ARHGAP24: variants seen among roughly 807,000 people sequenced by gnomAD.
The protein encoded by ARHGAP24 is Rho GTPase activating protein 24, also known as rho GTPase-activating protein 24.
A neutral mutation model predicts 76.4 loss-of-function variants in ARHGAP24; 50 were observed. The observed-to-expected ratio is 0.65, with a 90% CI of 0.52 to 0.83. The LOEUF (loss-of-function observed/expected upper bound fraction) is 0.83, where lower values mean the gene tolerates loss of function less well. Among genes scored for constraint, ARHGAP24 ranks in the 40% least tolerant of loss-of-function variants. ARHGAP24 has a pLI of 0.00. For synonymous variants in ARHGAP24, 345 were observed against 323.3 expected, an observed-to-expected ratio of 1.07 and a Z score of -0.72; for missense variants, 930 against 914.2, an observed-to-expected ratio of 1.02 and a Z score of -0.22.
intron 3 of ARHGAP24, among the ~76,000 whole-genome samples, chr4:85,836,689 T>C (rs1312013751): frequency 6.6e-6 from 1 of 152,180 alleles, no homozygotes; most frequent in African/African-American, 2.4e-5. Context: ...ACCCCTAGCA[T>C]TGGCTCAGAA....
At chr4:85,803,871 A>G (rs144303468) in intron 3 of ARHGAP24, among the ~76,000 whole-genome samples, 167 of 152,178 alleles carry the variant, frequency 1.1e-3, no homozygotes, top group Admixed American at 4.2e-3. Flanking sequence ...AATTTCAAAC[A>G]CTTCGTTTCC....
intron 3 of ARHGAP24, among the ~76,000 whole-genome samples, chr4:85,793,501 T>G (rs1165789593): frequency 2.6e-5 from 4 of 152,190 alleles, no homozygotes; most frequent in African/African-American, 9.6e-5. Context: ...TCCCACAGAA[T>G]ATTCAAAGAA....
rs552110876 is a variant in ARHGAP24 at position 85,870,283 on chromosome 4, C to T, written c.269-53365C>T. Among the ~76,000 whole-genome samples the T allele has an allele frequency of 2.0e-4, 31 of 152,216 alleles. No homozygotes were observed. The South Asian group carries it at 6.0e-3, about 29-fold the overall frequency. On this transcript the variant is annotated intron_variant, in intron 3 of 9. Coordinates refer to ENST00000395184, the MANE Select transcript of ARHGAP24 (RefSeq NM_001025616.3). ...TGTGTCTAGAAATATGAAAACACCT[C>T]CTGTCCTATTGTTAATTCTTTTCAC...
intron 3 of ARHGAP24, among the ~76,000 whole-genome samples, chr4:85,834,381 A>C (rs542895944): frequency 1.3e-5 from 2 of 152,294 alleles, no homozygotes; most frequent in South Asian, 2.1e-4. Context: ...AAAATAGAGA[A>C]TTGCATAAAA....
In ARHGAP24 at chr4:85,994,720, G is replaced by A; in HGVS notation, c.1066G>A (p.Gly356Arg). Residue 356 changes from glycine (G) to arginine (R), a missense_variant, in exon 9 of 10, where the codon GGG becomes AGG. By Grantham distance (125) the Gly-to-Arg change is moderately radical (BLOSUM62 -2). Transcript: ENST00000395184. ...NNEIQKKATM[G>R]QLQNKENNNT... ...TGAAATTCAGAAGAAAGCCACCATGGGGCAGTTACAGAACAAGGAGAACAA... is the reference window on the plus strand; with the variant it reads ...TGAAATTCAGAAGAAAGCCACCATGAGGCAGTTACAGAACAAGGAGAACAA... 6.2e-7 allele frequency: 1 copy of A among 1,614,064 alleles called. No homozygotes were observed. The highest frequency in any genetic ancestry group is 8.5e-7 in the Non-Finnish European group (1 of 1,180,018).
chr4:85,930,649 C>T (rs964902478), intron 4 of ARHGAP24: 2 of 1,107,444 alleles, frequency 1.8e-6, no homozygotes, highest in Non-Finnish European at 2.2e-6. Flanking sequence ...TTTCCTGTGA[C>T]ATTTTGGAAT....
At chr4:85,754,526 A>G (rs1726398920) in intron 3 of ARHGAP24, among the ~76,000 whole-genome samples, 1 of 152,232 alleles carries the variant, frequency 6.6e-6, no homozygotes, top group African/African-American at 2.4e-5. Context: ...CTTCTATGGA[A>G]AGACACAGAT....
chr4:85,655,822 G>GAGAGAGAGAGAGAA (rs1722143689), intron 2 of ARHGAP24, among the ~76,000 whole-genome samples: 12 of 107,948 alleles, frequency 1.1e-4, no homozygotes, highest in African/African-American at 4.6e-4. Flanking sequence ...GAGAGAAAGA[G>GAGAGAGAGAGAGAA]AGAGAGAGAG....
At chr4:85,727,268 A>G (rs1725201999) in intron 3 of ARHGAP24, among the ~76,000 whole-genome samples, 1 of 152,116 alleles carries the variant, frequency 6.6e-6, no homozygotes, top group Non-Finnish European at 1.5e-5. Context: ...AAATATGAGC[A>G]TGTGAAGTTA....
Position 85,721,915 on chromosome 4 carries a change from T to G in ARHGAP24, c.211T>G (p.Ser71Ala), listed in dbSNP as rs778038476. ...TATTTTTCTGCCTGGAAATAAAGTT[T>G]CTGAGCATCCCTGCAATGAAGAGAA... ...GTIFLPGNKV[S>A]EHPCNEENPG... is the part of the protein sequence containing the mutation. The change falls in exon 3 of 10, where the codon TCT becomes GCT. Residue 71 changes from serine to alanine, a missense_variant. Transcript: ENST00000395184. The G allele has an allele frequency of 1.2e-6, 2 of 1,613,566 alleles. No individual in the cohort carries two copies. The highest frequency in any genetic ancestry group is 1.7e-6 in the Non-Finnish European group (2 of 1,179,662).
rs1398923484 is a variant in ARHGAP24 at position 85,995,384 on chromosome 4, C to T, written c.1730C>T (p.Thr577Ile). ...NSNSCRSSTT[T>I]CPEQDFFGGN... ...AACTCCTGTCGCTCTTCTACCACCA[C>T]CTGCCCAGAGCAAGACTTTTTTGGG... The change falls in exon 9 of 10, where the codon ACC (threonine) becomes ATC (isoleucine). Residue 577 changes from threonine (T) to isoleucine (I), a missense_variant. Physicochemically the swap from Thr to Ile is moderately conservative, Grantham distance 89. Coordinates refer to ENST00000395184, the MANE Select transcript of ARHGAP24 (RefSeq NM_001025616.3). The T allele has an allele frequency of 6.2e-7, 1 of 1,614,026 alleles. No individual in the cohort carries two copies. The highest frequency in any genetic ancestry group is 8.5e-7 in the Non-Finnish European group (1 of 1,179,948).
At chr4:85,542,315 A>G (rs1173246778) in intron 1 of ARHGAP24, among the ~76,000 whole-genome samples, 1 of 152,122 alleles carries the variant, frequency 6.6e-6, no homozygotes, top group Non-Finnish European at 1.5e-5. Flanking sequence ...CTTGTTTGTT[A>G]ACTATAGCTT....
intron 4 of ARHGAP24, among the ~76,000 whole-genome samples, chr4:85,938,066 C>T (rs1303850937): frequency 6.6e-6 from 1 of 152,196 alleles, no homozygotes; most frequent in Non-Finnish European, 1.5e-5. Context: ...GGGACCCTTA[C>T]AAACCCTGAA....
At chr4:85,557,569 C>T (rs534056346) in intron 1 of ARHGAP24, among the ~76,000 whole-genome samples, 1 of 152,270 alleles carries the variant, frequency 6.6e-6, no homozygotes, top group East Asian at 1.9e-4. Context: ...TTTCCTGTCT[C>T]ACTCTTCTCT....
chr4:85,688,206 C>G (rs754990590), intron 2 of ARHGAP24, among the ~76,000 whole-genome samples: 1 of 152,120 alleles, frequency 6.6e-6, no homozygotes, highest in Non-Finnish European at 1.5e-5. Context: ...TATATATGTT[C>G]CCTTCTCTCC....
intron 3 of ARHGAP24, among the ~76,000 whole-genome samples, chr4:85,840,564 C>T (rs1371330046): frequency 6.6e-6 from 1 of 152,196 alleles, no homozygotes; most frequent in African/African-American, 2.4e-5. Flanking sequence ...TCCCTCATAA[C>T]TGCTGTGGAT....
intron 1 of ARHGAP24, among the ~76,000 whole-genome samples, chr4:85,530,063 T>A (rs938484219): frequency 6.6e-6 from 1 of 151,962 alleles, no homozygotes; most frequent in Admixed American, 6.6e-5. Context: ...ATATCTATGG[T>A]GAAAGTATTA....
intron 1 of ARHGAP24, among the ~76,000 whole-genome samples, chr4:85,513,559 T>TTA (rs776789611): frequency 9.9e-5 from 15 of 151,510 alleles, no homozygotes; most frequent in African/African-American, 2.7e-4. Context: ...GCCTTTTTTT[T>TTA]AAAAAAAAAA....
chr4:85,852,785 CTGCAGAACAGCAAATAT>C (rs1250051486), intron 3 of ARHGAP24, among the ~76,000 whole-genome samples: 2 of 152,222 alleles, frequency 1.3e-5, no homozygotes, highest in Non-Finnish European at 2.9e-5. Flanking sequence ...CCTTTGGAGG[CTGCAGAACAGCAAATAT>C]TGCAGAACAG....
Sources: gnomAD v4.1 joint callset for allele counts (sites outside exome capture counted in the v4.1 genomes callset) on GRCh38, gnomAD v4.1.1 for gene constraint, MANE v1.5 for transcripts, NCBI Gene and HGNC (gene_info 2026-07-23, HGNC 2026-07-21) for gene names.